CIP2A: variants seen among roughly 807,000 people sequenced by gnomAD.
The protein encoded by CIP2A is protein CIP2A.
In CIP2A, 103 loss-of-function variants were observed where a neutral mutation model predicts 110.9. The observed-to-expected ratio is 0.93, with a 90% CI of 0.79 to 1.09. The LOEUF (loss-of-function observed/expected upper bound fraction) is 1.09. CIP2A is among the 50% of genes least tolerant of loss of function. The pLI, the probability that CIP2A is intolerant of heterozygous loss-of-function variation, is 0.00. For missense variants in CIP2A, 1,088 were observed against 1,038.4 expected, an observed-to-expected ratio of 1.05 and a Z score of -0.66; for synonymous variants, 381 against 361.6, an observed-to-expected ratio of 1.05 and a Z score of -0.61.
At chr3:108,560,082 T>C (rs1447370460) in intron 14 of CIP2A, 54 bp from the exon 15 acceptor site, 4 of 1,046,770 alleles carry the variant, frequency 3.8e-6, no homozygotes, top group African/African-American at 1.6e-5. Flanking sequence ...TTTGACACAA[T>C]GACAAAATAA....
At chr3:108,581,343 A>C in intron 5 of CIP2A, 72 bp downstream of exon 5, 1 of 1,071,782 alleles carries the variant, frequency 9.3e-7, no homozygotes, top group Non-Finnish European at 1.4e-6. Context: ...AAAGAAAAAG[A>C]TAAATACAAT....
rs1381875163 is a variant in CIP2A, at chr3:108,557,359, C to T, written c.2069G>A (p.Ser690Asn). The T allele has an allele frequency of 1.2e-6, 2 of 1,610,588 alleles. No individual in the cohort carries two copies. Among genetic ancestry groups the T allele is most frequent in the South Asian group, 2.2e-5 (2 of 90,616 alleles). ...REVERKNEEL[S>N]VLLKAQQVES... The stretch of plus-strand genomic sequence containing the variant: ...AACTTGCTGCGCCTTCAGCAACACA[C>T]TAAGCTCTTCATTTTTTCTCTCAAC... Residue 690 changes from serine (S) to asparagine (N), a missense_variant, in exon 17 of 21, where the codon AGT becomes AAT. By Grantham distance (46) the Ser-to-Asn change is conservative (BLOSUM62 1). Transcript: ENST00000295746.
At chr3:108,575,256 ATG>A (rs1324341166) in intron 8 of CIP2A, among the ~76,000 whole-genome samples, 1 of 152,042 alleles carries the variant, frequency 6.6e-6, no homozygotes, top group African/African-American at 2.4e-5. Flanking sequence ...CAAAATATAT[ATG>A]TACATGTGTA....
rs1489540082 is a variant in CIP2A at position 108,567,278 on chromosome 3, TA to T, written c.1274-641del. Among the ~76,000 whole-genome samples, 3 of 151,720 alleles carry T rather than the reference TA, an allele frequency of 2.0e-5. No individual in the cohort carries two copies. In the East Asian group the frequency reaches 5.8e-4, roughly 29 times the overall value. ...TTTTTACATGTTCTCCAGGTGATTT[TA>T]GGTAGGAAATCAGGGTTGAAAGTCA... On this transcript the variant is annotated intron_variant, in intron 10 of 20. Transcript: ENST00000295746.
chr3:108,564,137 G>T (rs1309784778), intron 12 of CIP2A, among the ~76,000 whole-genome samples: 1 of 151,940 alleles, frequency 6.6e-6, no homozygotes, highest in African/African-American at 2.4e-5. Flanking sequence ...CAGTGTCACA[G>T]AACTGTGATA....
rs746526504 is a variant in CIP2A at position 108,582,109 on chromosome 3, T to G, written c.451A>C (p.Ile151Leu). The G allele has an allele frequency of 2.9e-6, 4 of 1,375,224 alleles. No homozygotes were observed. The East Asian group carries it at 9.5e-5, about 33-fold the overall frequency. The allele number at this position is 1,375,224 out of a possible 1,614,324, so 85.2% of individuals were successfully genotyped here. A position where few individuals can be genotyped will look rare whatever the true frequency, so the allele number is the denominator to read the frequency against. The change falls in exon 4 of 21, where the codon ATT becomes CTT. Residue 151 changes from isoleucine (I) to leucine (L), a missense_variant and splice_region_variant. Transcript: ENST00000295746. ...DELITFLIDH[I>L]QSSEDELKMP... ...TTTTATGTTTGATTGCATACTCACA[T>G]GTGATCTATCAGGAACGTAATTAAT...
intron 18 of CIP2A, 121 bp downstream of exon 18, chr3:108,554,255 A>G: frequency 1.8e-6 from 1 of 548,034 alleles, no homozygotes; most frequent in South Asian, 2.6e-5. Flanking sequence ...TACATATCTT[A>G]TATCTAAAAT....
At chr3:108,553,121 G>GTTTTTTTTTTTTT (rs768832281) in intron 19 of CIP2A, among the ~76,000 whole-genome samples, 3 of 67,156 alleles carry the variant, frequency 4.5e-5, no homozygotes, top group African/African-American at 5.7e-5. Context: ...CTTTCCTTTT[G>GTTTTTTTTTTTTT]TTTTTTTTTT....
chr3:108,582,176 T>C lies in CIP2A; in HGVS notation c.384A>G (p.Thr128=). 5 of 1,455,956 alleles carry C rather than the reference T, an allele frequency of 3.4e-6. No homozygotes were observed. Among genetic ancestry groups the C allele is most frequent in the Non-Finnish European group, 4.7e-6 (5 of 1,053,788 alleles). 90.2% of individuals were successfully genotyped at this position (1,455,956 alleles called of 1,614,324 possible). The part of the protein sequence containing the change: ...LQCIQLLQKL[T]YNVKIFYSGA... Reference sequence around the variant, plus strand: ...CAGAATAGAAAATTTTGACATTATATGTTAACTTCTGTAGAAGTTGAATGC... The same window carrying C: ...CAGAATAGAAAATTTTGACATTATACGTTAACTTCTGTAGAAGTTGAATGC... Residue 128 remains threonine, a synonymous_variant, in exon 4 of 21, where the codon ACA becomes ACG. Transcript: ENST00000295746.
Position 108,554,446 on chromosome 3 carries a change from A to C in CIP2A, c.2254T>G (p.Cys752Gly). The C allele has an allele frequency of 6.4e-7, 1 of 1,554,666 alleles. No individual in the cohort carries two copies. Among genetic ancestry groups the C allele is most frequent in the Non-Finnish European group, 8.8e-7 (1 of 1,131,906 alleles). The change falls in exon 18 of 21, where the codon TGT becomes GGT. Residue 752 changes from cysteine to glycine, a missense_variant. Physicochemically the swap from Cys to Gly is radical, Grantham distance 159. Transcript: ENST00000295746. ...TCAATTTGTTTATTCAGAGAATCAC[A>C]TGTGATCTGTAAATCTTTATTCTTC... ...EKKNKDLQIT[C>G]DSLNKQIETV... is the part of the protein sequence containing the mutation.
In CIP2A at chr3:108,576,325, A is replaced by G. The variant is rs1248852253; in HGVS notation, c.840T>C (p.Cys280=). 1 of 1,560,462 alleles carries G rather than the reference A, an allele frequency of 6.4e-7. No homozygotes were observed. Among genetic ancestry groups the G allele is most frequent in the Non-Finnish European group, 8.7e-7 (1 of 1,149,364 alleles). The part of the protein sequence containing the change: ...YLTRYEHFSS[C]LHQVLGLLNG... ...TAAGAAGACCTAATACTTGGTGAAG[A>G]CATGAAGAAAAGTGCTCATATCTAG... The change falls in exon 8 of 21, where the codon TGT becomes TGC. Residue 280 remains cysteine (C), a synonymous_variant. Coordinates refer to ENST00000295746, the MANE Select transcript of CIP2A (RefSeq NM_020890.3).
chr3:108,565,458 T>G lies in CIP2A; in HGVS notation c.1416-4A>C, dbSNP rs1442704695. The G allele has an allele frequency of 6.6e-7, 1 of 1,521,014 alleles. No homozygotes were observed. Among genetic ancestry groups the G allele is most frequent in the Non-Finnish European group, 9.0e-7 (1 of 1,107,822 alleles). The allele number at this position is 1,521,014 out of a possible 1,614,324, so 94.2% of individuals were successfully genotyped here. On this transcript the variant is annotated splice_polypyrimidine_tract_variant and splice_region_variant and intron_variant, in intron 11 of 20. Transcript: ENST00000295746. ...AATTACATCAGCAGCAAGTTTGCTT[T>G]AAAGATAAATCACATTTAAATTAGA...
chr3:108,558,485 A>G (rs533118614), intron 16 of CIP2A, among the ~76,000 whole-genome samples: 1 of 152,280 alleles, frequency 6.6e-6, no homozygotes, highest in East Asian at 1.9e-4. Flanking sequence ...ACATAATACA[A>G]TGCCAAATTT....
Position 108,576,271 on chromosome 3 carries a change from C to T in CIP2A, c.894G>A (p.Lys298=), listed in dbSNP as rs750819198. ...AATGAAAAGTCATGTTTTTACATAC[C>T]TTTGAAGAGGAATCAGGATCCTTTC... ...LNGKDPDSSS[K]VLELLLAFCS... is the part of the protein sequence containing the mutation. The change falls in exon 8 of 21, where the codon AAG becomes AAA. Residue 298 remains lysine, a splice_region_variant and synonymous_variant. Transcript: ENST00000295746. 3.3e-6 allele frequency: 5 copies of T among 1,537,230 alleles called. No homozygotes were observed. The highest frequency in any genetic ancestry group is 1.3e-5 in the South Asian group (1 of 79,618).
rs770506852 is a variant in CIP2A at position 108,581,514 on chromosome 3, G to A, written c.453-3C>T. ...TTAACTCATCTTCAGAAGATTGACT[G>A]TTGTTTTACATTGGTGTTTTGTTTA... On this transcript the variant is annotated splice_polypyrimidine_tract_variant and splice_region_variant and intron_variant, in intron 4 of 20. Coordinates refer to ENST00000295746, the MANE Select transcript of CIP2A (RefSeq NM_020890.3). 1.9e-6 allele frequency: 3 copies of A among 1,579,728 alleles called. No homozygotes were observed. Among genetic ancestry groups the A allele is most frequent in the Non-Finnish European group, 2.6e-6 (3 of 1,150,896 alleles).
chr3:108,585,699 G>A (rs774099352), intron 1 of CIP2A: 66 of 456,482 alleles, frequency 1.4e-4, no homozygotes, highest in South Asian at 5.1e-4. Context: ...GAAGCCCAGA[G>A]GGTAGTTATG....
chr3:108,567,275 T>C (rs1228944243), intron 10 of CIP2A, among the ~76,000 whole-genome samples: 1 of 151,742 alleles, frequency 6.6e-6, no homozygotes, highest in South Asian at 2.1e-4. Context: ...CTCCAGGTGA[T>C]TTTAGGTAGG....
At chr3:108,574,031 C>T (rs1016386152) in intron 8 of CIP2A, among the ~76,000 whole-genome samples, 1 of 151,984 alleles carries the variant, frequency 6.6e-6, no homozygotes, top group Non-Finnish European at 1.5e-5. Context: ...CCAAATGGAA[C>T]ACAATAAACA....
intron 12 of CIP2A, among the ~76,000 whole-genome samples, chr3:108,564,702 A>C (rs1190222804): frequency 6.6e-6 from 1 of 151,822 alleles, no homozygotes; most frequent in Non-Finnish European, 1.5e-5. Flanking sequence ...TTAGTTCCCT[A>C]TTTGTGCTTT....
Sources: gnomAD v4.1 joint callset for allele counts (sites outside exome capture counted in the v4.1 genomes callset) on GRCh38, gnomAD v4.1.1 for gene constraint, MANE v1.5 for transcripts, NCBI Gene and HGNC (gene_info 2026-07-23, HGNC 2026-07-21) for gene names.